FCRL3: variants seen among roughly 807,000 people sequenced by gnomAD.
FCRL3 encodes Fc receptor like 3.
In FCRL3, 89 loss-of-function variants were observed where a neutral mutation model predicts 75.0. That is an observed-to-expected ratio of 1.19 (90% CI 1.00 to 1.42). The LOEUF (loss-of-function observed/expected upper bound fraction) is 1.42. Among genes scored for constraint, FCRL3 ranks in the 40% most tolerant of loss-of-function variants. The probability of loss-of-function intolerance (pLI) is 0.00; values close to 1 mark genes in which losing one functional copy is unlikely to be tolerated. For synonymous variants in FCRL3, 376 were observed against 348.5 expected, an observed-to-expected ratio of 1.08 and a Z score of -0.88; for missense variants, 946 against 880.0, an observed-to-expected ratio of 1.07 and a Z score of -0.95.
chr1:157,680,886 T>C, intron 12 of FCRL3, 95 bp downstream of exon 12: 1 of 1,443,330 alleles, frequency 6.9e-7, no homozygotes, highest in South Asian at 1.2e-5. Context: ...AGGAATGTCA[T>C]TTTTAAATTT....
intron 10 of FCRL3, among the ~76,000 whole-genome samples, chr1:157,683,971 G>C (rs1389910170): frequency 6.6e-6 from 1 of 151,980 alleles, no homozygotes; most frequent in East Asian, 1.9e-4. Context: ...TTCATGAAAG[G>C]GTGTGCTACT....
In FCRL3 at chr1:157,677,958, A is replaced by T. The variant is rs558064003; in HGVS notation, c.*752T>A. On this transcript the variant is annotated 3_prime_UTR_variant, in exon 15 of 15. Transcript: ENST00000368184. ...ATTGTCTCGGGGTTAATGGGTGCTT[A>T]TAAGAATAAAACTGACTGACTAGAA... 1.0e-6 allele frequency: 1 copy of T among 985,294 alleles called. No individual in the cohort carries two copies. The highest frequency in any genetic ancestry group is 4.7e-5 in the South Asian group (1 of 21,286). The allele number at this position is 985,294 out of a possible 1,614,324, so 61.0% of individuals were successfully genotyped here.
chr1:157,698,897 T>G (rs1273388167), intron 3 of FCRL3, among the ~76,000 whole-genome samples: 2 of 152,230 alleles, frequency 1.3e-5, no homozygotes, highest in Non-Finnish European at 2.9e-5. Context: ...AGATGTGATT[T>G]GCCATTGGGC....
Position 157,690,536 on chromosome 1 carries a change from G to C in FCRL3, c.1412-3C>G. On this transcript the variant is annotated splice_polypyrimidine_tract_variant and splice_region_variant and intron_variant, in intron 8 of 14. Coordinates refer to ENST00000368184, the MANE Select transcript of FCRL3 (RefSeq NM_052939.4). The stretch of plus-strand genomic sequence containing the variant: ...GAGGACGGGGCGAGACACCGGAACT[G>C]AGGGAGGAAAAATAGTTCACTGGCA... The C allele has an allele frequency of 6.2e-7, 1 of 1,612,748 alleles. No homozygotes were observed. Among genetic ancestry groups the C allele is most frequent in the Non-Finnish European group, 8.5e-7 (1 of 1,179,410 alleles).
chr1:157,679,284 T>G, intron 13 of FCRL3: 1 of 418,744 alleles, frequency 2.4e-6, no homozygotes, highest in Non-Finnish European at 4.4e-6. Context: ...CATGACAATT[T>G]CCTTCTTGCT....
rs1000562785 is a variant in FCRL3 at position 157,690,552 on chromosome 1, T to C, written c.1412-19A>G. The C allele has an allele frequency of 6.2e-7, 1 of 1,611,568 alleles. No individual in the cohort carries two copies. The highest frequency in any genetic ancestry group is 1.3e-5 in the African/African-American group (1 of 74,798). On this transcript the variant is annotated intron_variant, in intron 8 of 14. Coordinates refer to ENST00000368184, the MANE Select transcript of FCRL3 (RefSeq NM_052939.4). ...ACCGGAACTGAGGGAGGAAAAATAG[T>C]TCACTGGCAGTTTTACTTAAGTAGG...
At chr1:157,693,904 T>C (rs1318050649) in intron 8 of FCRL3, among the ~76,000 whole-genome samples, 2 of 152,026 alleles carry the variant, frequency 1.3e-5, no homozygotes, top group East Asian at 1.9e-4. Flanking sequence ...CATGCCACCA[T>C]GCCCAACTGA....
chr1:157,697,171 T>C lies in FCRL3; in HGVS notation c.813A>G (p.Lys271=). Residue 271 remains lysine (K), a synonymous_variant, in exon 6 of 15, where the codon AAA becomes AAG. Transcript: ENST00000368184. The stretch of plus-strand genomic sequence containing the variant: ...CACGTATCTGAGATCTCAGGCTCCT[T>C]TTTTTGATGCTGTGAGTCACTGTCT... ...EVETVTHSIK[K]RSLRSQIRVQ... The C allele has an allele frequency of 1.3e-6, 2 of 1,514,310 alleles. No homozygotes were observed. The highest frequency in any genetic ancestry group is 1.8e-6 in the Non-Finnish European group (2 of 1,129,836). 93.8% of individuals were successfully genotyped at this position (1,514,310 alleles called of 1,614,324 possible).
intron 8 of FCRL3, 93 bp downstream of exon 8, chr1:157,695,236 G>A: frequency 7.6e-7 from 1 of 1,320,188 alleles, no homozygotes; most frequent in Non-Finnish European, 1.1e-6. Flanking sequence ...AGTCTATTGG[G>A]ATATCAACCA....
intron 2 of FCRL3, among the ~76,000 whole-genome samples, 155 bp from the exon 3 acceptor site, chr1:157,699,867 A>C (rs1656201693): frequency 6.6e-6 from 1 of 152,168 alleles, no homozygotes; most frequent in African/African-American, 2.4e-5. Context: ...CATATAATGT[A>C]TTTTACAAAC....
Position 157,695,440 on chromosome 1 carries a change from C to T in FCRL3, c.1300G>A (p.Gly434Arg). 1.2e-6 allele frequency: 2 copies of T among 1,614,170 alleles called. No homozygotes were observed. The highest frequency in any genetic ancestry group is 1.7e-6 in the Non-Finnish European group (2 of 1,180,020). The change falls in exon 8 of 15, where the codon GGA becomes AGA. Residue 434 changes from glycine to arginine, a missense_variant. By Grantham distance (125) the Gly-to-Arg change is moderately radical. Transcript: ENST00000368184. Reference sequence around the variant, plus strand: ...GTCAGAGAGAGGTTGAAGGAGGCTCCTCCTCCAGAGGGGGCTGAGCTGTTC... The same window carrying T: ...GTCAGAGAGAGGTTGAAGGAGGCTCTTCCTCCAGAGGGGGCTGAGCTGTTC... The part of the protein sequence containing the change: ...LGNSSAPSGG[G>R]ASFNLSLTAE...
rs377394424 is a variant in FCRL3, at chr1:157,683,825, A to G, written c.1811-581T>C. 1.5e-4 allele frequency among the ~76,000 whole-genome samples: 23 copies of G among 152,244 alleles called. No homozygotes were observed. The South Asian group carries it at 4.6e-3, about 30-fold the overall frequency. ...TCTTTCACTTGGCTAGCTCCGATTT[A>G]TCTTTCTTCCAGAGCTGTCCCTGAT... On this transcript the variant is annotated intron_variant, in intron 10 of 14. Coordinates refer to ENST00000368184, the MANE Select transcript of FCRL3 (RefSeq NM_052939.4).
intron 13 of FCRL3, among the ~76,000 whole-genome samples, chr1:157,679,584 C>T (rs535334013): frequency 6.6e-6 from 1 of 152,030 alleles, no homozygotes; most frequent in Admixed American, 6.5e-5. Context: ...ATAAGCAATG[C>T]CTTCTATTAG....
At chr1:157,681,488 C>T (rs377358954) in intron 11 of FCRL3, among the ~76,000 whole-genome samples, 44 of 147,408 alleles carry the variant, frequency 3.0e-4, no homozygotes, top group African/African-American at 9.0e-4. Context: ...TGAGAACATG[C>T]GGTGTTTGGT....
At chr1:157,687,702 A>G (rs1655260431) in intron 10 of FCRL3, among the ~76,000 whole-genome samples, 1 of 151,610 alleles carries the variant, frequency 6.6e-6, no homozygotes, top group African/African-American at 2.4e-5. Flanking sequence ...CAAATACCAC[A>G]TGTTCTCACT....
At chr1:157,686,247 G>C (rs1655169826) in intron 10 of FCRL3, among the ~76,000 whole-genome samples, 1 of 135,874 alleles carries the variant, frequency 7.4e-6, no homozygotes, top group Admixed American at 7.3e-5. Flanking sequence ...GGAGGTGAAA[G>C]ATCTCTGCGA....
In FCRL3 at chr1:157,679,830, C is replaced by CAAAAAAAAAAAAAAAA. The variant is rs1166825112; in HGVS notation, c.2026+856_2027-858dup. ...GGCGACAGAACGAGACCCCATCTCA[C>CAAAAAAAAAAAAAAAA]AAAAAAAAAAAAAAAAAAAAAAAAA... On this transcript the variant is annotated intron_variant, in intron 13 of 14. Transcript: ENST00000368184. Among the ~76,000 whole-genome samples the CAAAAAAAAAAAAAAAA allele has an allele frequency of 1.2e-4, 6 of 49,914 alleles. 1 individual carries two copies. Among genetic ancestry groups the CAAAAAAAAAAAAAAAA allele is most frequent in the African/African-American group, 3.7e-4 (4 of 10,948 alleles). The allele number at this position is 49,914 out of a possible 152,430, so 32.7% of individuals were successfully genotyped here. A position where few individuals can be genotyped will look rare whatever the true frequency, so the allele number is the denominator to read the frequency against.
rs147646343 is a variant in FCRL3, at chr1:157,689,366, A to G, written c.1810+432T>C. ...GTTGTGTTTCTATACACTAGCAACA[A>G]TCGGAAATTGAATTTTTAATCTCAT... is the stretch of plus-strand genomic sequence containing the variant. On this transcript the variant is annotated intron_variant, in intron 10 of 14. Transcript: ENST00000368184. Among the ~76,000 whole-genome samples, 1,104 of 152,312 alleles carry G rather than the reference A, an allele frequency of 7.2e-3. 21 individuals are homozygous for G. Among genetic ancestry groups the G allele is most frequent in the Non-Finnish European group, 5.7e-3 (391 of 68,020 alleles).
chr1:157,700,703 A>G lies in FCRL3; in HGVS notation c.-138T>C. ...TGTATCTCAATCCCGGTAGTGATAC[A>G]TTTTTAGAAGTTGGGGCTCATCTTC... On this transcript the variant is annotated 5_prime_UTR_variant, in exon 1 of 15. The change abolishes an upstream ATG in the 5' untranslated region. Coordinates refer to ENST00000368184, the MANE Select transcript of FCRL3 (RefSeq NM_052939.4). The G allele has an allele frequency of 7.0e-7, 1 of 1,430,882 alleles. No homozygotes were observed. The highest frequency in any genetic ancestry group is 9.2e-7 in the Non-Finnish European group (1 of 1,089,646). 88.6% of individuals were successfully genotyped at this position (1,430,882 alleles called of 1,614,324 possible). A position where few individuals can be genotyped will look rare whatever the true frequency, so the allele number is the denominator to read the frequency against.
Sources: allele counts gnomAD v4.1 joint callset (sites outside exome capture counted in the v4.1 genomes callset), GRCh38; gene constraint gnomAD v4.1.1; transcripts MANE v1.5; gene names NCBI Gene and HGNC (gene_info 2026-07-23, HGNC 2026-07-21).